The following TNFSF4 variants were observed in gnomAD, a reference collection of about 807,000 sequenced individuals.
TNFSF4 encodes the protein TNF superfamily member 4.
Under a neutral mutation model 7.3 loss-of-function variants are expected in TNFSF4, and 4 were observed. That is an observed-to-expected ratio of 0.55 (90% CI 0.27 to 1.25). The LOEUF (loss-of-function observed/expected upper bound fraction) is 1.25. Among genes scored for constraint, TNFSF4 ranks in the 50% most tolerant of loss-of-function variants. The pLI is 0.12. For synonymous variants in TNFSF4, 76 were observed against 83.7 expected, an observed-to-expected ratio of 0.91 and a Z score of 0.50; for missense variants, 181 against 208.8, an observed-to-expected ratio of 0.87 and a Z score of 0.82.
the TNFSF4 span, among the ~76,000 whole-genome samples, chr1:173,437,290 G>A: frequency 6.6e-6 from 1 of 152,106 alleles, no homozygotes. Flanking sequence ...TCATTCTTGT[G>A]AATTACCCAA....
the TNFSF4 span, among the ~76,000 whole-genome samples, chr1:173,310,076 C>G: frequency 6.6e-6 from 1 of 151,716 alleles, no homozygotes; most frequent in Non-Finnish European, 1.5e-5. Flanking sequence ...TTGTCTTTAT[C>G]AGTCTCACCA....
the TNFSF4 span, chr1:173,363,526 T>G: frequency 6.4e-6 from 3 of 468,138 alleles, no homozygotes; most frequent in South Asian, 3.6e-5. Flanking sequence ...ACCTTTAAGA[T>G]TCTTAAGAGC....
At chr1:173,250,355 T>C in the TNFSF4 span, among the ~76,000 whole-genome samples, 2 of 152,186 alleles carry the variant, frequency 1.3e-5, no homozygotes, top group Non-Finnish European at 2.9e-5. Context: ...TGAAAGAGAA[T>C]ATAGAAATAG....
chr1:173,287,681 T>G, the TNFSF4 span, among the ~76,000 whole-genome samples: 1 of 152,100 alleles, frequency 6.6e-6, no homozygotes. Flanking sequence ...GAAATGATTG[T>G]CAATAATAGA....
rs753498504 is a variant in TNFSF4, at chr1:173,188,551, G to C, written c.172C>G (p.Arg58Gly). The C allele has an allele frequency of 1.4e-5, 22 of 1,612,270 alleles. 1 individual carries two copies. Among genetic ancestry groups the C allele is most frequent in the Non-Finnish European group, 1.6e-5 (19 of 1,178,552 alleles). The stretch of plus-strand genomic sequence containing the variant: ...AATTGTACTTTGATACTTTGAATTC[G>C]AGGATACCGATGTGATACCTGAGGG... ...SALQVSHRYP[R>G]IQSIKVQFTE... Residue 58 changes from arginine (R) to glycine (G), a missense_variant, in exon 2 of 3, where the codon CGA becomes GGA. Arg to Gly is a moderately radical substitution (Grantham distance 125). Transcript: ENST00000281834.
At chr1:173,181,147 G>A (rs762302356), downstream of TNFSF4, among the ~76,000 whole-genome samples, 1 of 152,190 alleles carries the variant, frequency 6.6e-6, no homozygotes, top group Non-Finnish European at 1.5e-5. Flanking sequence ...TACTTAAAGG[G>A]TGTATGTCCT....
At chr1:173,247,528 T>G in the TNFSF4 span, among the ~76,000 whole-genome samples, 3 of 152,184 alleles carry the variant, frequency 2.0e-5, no homozygotes, top group Non-Finnish European at 4.4e-5. Flanking sequence ...CCTCAGCCAG[T>G]TGAAAATAGT....
intron 1 of TNFSF4, among the ~76,000 whole-genome samples, chr1:173,189,653 G>C (rs538600043): frequency 1.3e-5 from 2 of 152,064 alleles, no homozygotes; most frequent in African/African-American, 2.4e-5. Flanking sequence ...GTAAAAAAAA[G>C]TTGGGGGGGG....
chr1:173,201,013 G>A (rs10489267), intron 1 of TNFSF4, among the ~76,000 whole-genome samples: 1 of 152,110 alleles, frequency 6.6e-6, no homozygotes, highest in East Asian at 1.9e-4. Context: ...GTTATGCCAG[G>A]AATATTCCCC....
chr1:173,440,466 C>T, the TNFSF4 span: 14 of 152,210 alleles, frequency 9.2e-5, no homozygotes, highest in African/African-American at 3.4e-4. Context: ...AACCTACCCT[C>T]CTCCTGGGTG....
At chr1:173,286,080 A>G in the TNFSF4 span, among the ~76,000 whole-genome samples, 2 of 152,226 alleles carry the variant, frequency 1.3e-5, no homozygotes, top group Non-Finnish European at 2.9e-5. Flanking sequence ...GCTTCAGAAA[A>G]TAACAAGAGA....
At chr1:173,205,647 G>C in intron 1 of TNFSF4, 2 of 977,710 alleles carry the variant, frequency 2.0e-6, no homozygotes, top group Non-Finnish European at 2.5e-6. Flanking sequence ...GCACTCAGCT[G>C]TTCTATATTT....
the TNFSF4 span, among the ~76,000 whole-genome samples, chr1:173,293,763 TC>T: frequency 6.6e-6 from 1 of 151,520 alleles, no homozygotes; most frequent in African/African-American, 2.4e-5. Flanking sequence ...ACTTAATGCA[TC>T]AAGCAGAAAA....
At chr1:173,390,522 T>A in the TNFSF4 span, among the ~76,000 whole-genome samples, 2 of 152,196 alleles carry the variant, frequency 1.3e-5, no homozygotes, top group African/African-American at 4.8e-5. Flanking sequence ...GAAGAGGTAA[T>A]GGATAATCTA....
At chr1:173,420,218 A>G in the TNFSF4 span, among the ~76,000 whole-genome samples, 1 of 152,150 alleles carries the variant, frequency 6.6e-6, no homozygotes, top group Non-Finnish European at 1.5e-5. Flanking sequence ...ACAAACAAAA[A>G]AAAAAGTAAA....
the TNFSF4 span, among the ~76,000 whole-genome samples, chr1:173,215,670 T>C: frequency 7.9e-5 from 12 of 152,234 alleles, no homozygotes; most frequent in Admixed American, 1.3e-4. Flanking sequence ...CACTGACATA[T>C]GTTGCATTAA....
chr1:173,249,902 GTA>G, the TNFSF4 span, among the ~76,000 whole-genome samples: 1 of 152,154 alleles, frequency 6.6e-6, no homozygotes, highest in South Asian at 2.1e-4. Flanking sequence ...GATACTGGCA[GTA>G]TCGATGGTAG....
intron 1 of TNFSF4, chr1:173,205,658 G>T: frequency 1.1e-6 from 1 of 923,662 alleles, no homozygotes; most frequent in Non-Finnish European, 1.3e-6. Flanking sequence ...TTCTATATTT[G>T]GTTACTCTCT....
At chr1:173,212,798 C>G in the TNFSF4 span, among the ~76,000 whole-genome samples, 2 of 151,846 alleles carry the variant, frequency 1.3e-5, no homozygotes, top group East Asian at 3.9e-4. Context: ...TTACATACCC[C>G]ATAAATACAT....
Sources: gnomAD v4.1 joint callset for allele counts (sites outside exome capture counted in the v4.1 genomes callset) on GRCh38, gnomAD v4.1.1 for gene constraint, MANE v1.5 for transcripts, NCBI Gene and HGNC (gene_info 2026-07-23, HGNC 2026-07-21) for gene names.